Variants in RNF182 observed in about 807,000 individuals in gnomAD.
RNF182 encodes the protein E3 ubiquitin-protein ligase RNF182.
A neutral mutation model predicts 14.4 loss-of-function variants in RNF182; 15 were observed. That is an observed-to-expected ratio of 1.04 (90% CI 0.70 to 1.60). The LOEUF (loss-of-function observed/expected upper bound fraction) is 1.60. Among genes scored for constraint, RNF182 ranks in the 40% most tolerant of loss-of-function variants. The probability of loss-of-function intolerance (pLI) is 0.00; values close to 1 mark genes in which losing one functional copy is unlikely to be tolerated. For synonymous variants in RNF182, 128 were observed against 122.9 expected, an observed-to-expected ratio of 1.04 and a Z score of -0.27; for missense variants, 268 against 294.8, an observed-to-expected ratio of 0.91 and a Z score of 0.67.
intron 1 of RNF182, among the ~76,000 whole-genome samples, chr6:13,965,160 G>A (rs189923779): frequency 6.6e-6 from 1 of 152,314 alleles, no homozygotes; most frequent in Non-Finnish European, 1.5e-5. Context: ...AGCACAAGAA[G>A]ACTTTCTAGA....
At chr6:13,946,013 G>A (rs1251139763) in intron 1 of RNF182, among the ~76,000 whole-genome samples, 2 of 152,060 alleles carry the variant, frequency 1.3e-5, no homozygotes, top group African/African-American at 4.8e-5. Context: ...TAGGTATAAT[G>A]CTTATTTATA....
chr6:13,977,437 T>A lies in RNF182; in HGVS notation c.318T>A (p.Thr106=). 1.2e-6 allele frequency: 2 copies of A among 1,614,170 alleles called. No individual in the cohort carries two copies. The highest frequency in any genetic ancestry group is 1.7e-6 in the Non-Finnish European group (2 of 1,180,008). The change falls in exon 3 of 3, where the codon ACT becomes ACA. Residue 106 remains threonine (T), a synonymous_variant. Transcript: ENST00000488300. The part of the protein sequence containing the change: ...KGKKCLPENP[T]ELLLTPKRLA... Reference sequence around the variant, plus strand: ...AGAAGTGCCTGCCAGAGAACCCTACTGAGCTGCTGCTCACCCCCAAGAGGC... The same window carrying A: ...AGAAGTGCCTGCCAGAGAACCCTACAGAGCTGCTGCTCACCCCCAAGAGGC...
At chr6:13,966,012 C>T (rs1438116018) in intron 1 of RNF182, among the ~76,000 whole-genome samples, 13 of 152,068 alleles carry the variant, frequency 8.5e-5, no homozygotes, top group African/African-American at 4.8e-5. Context: ...GAAGTACTCT[C>T]CTGAGGACGG....
rs1760462533 is a variant in RNF182 at position 13,980,302 on chromosome 6, A to G, written c.*2439A>G. 6.6e-6 allele frequency: 1 copy of G among 151,650 alleles called. No individual in the cohort carries two copies. The highest frequency in any genetic ancestry group is 1.9e-4 in the East Asian group (1 of 5,182). 9.4% of individuals were successfully genotyped at this position (151,650 alleles called of 1,614,324 possible). A position where few individuals can be genotyped will look rare whatever the true frequency, so the allele number is the denominator to read the frequency against. On this transcript the variant is annotated 3_prime_UTR_variant, in exon 3 of 3. Transcript: ENST00000488300. ...GAGATGAAATAAAAATATCGTCTTT[A>G]TAAATAAATTCTTCGGTTTTAGTTT...
rs1760372589 is a variant in RNF182 at position 13,977,673 on chromosome 6, T to TA, written c.555dup (p.Val186SerfsTer22). 1 of 1,614,030 alleles carries TA rather than the reference T, an allele frequency of 6.2e-7. No individual in the cohort carries two copies. Among genetic ancestry groups the TA allele is most frequent in the African/African-American group, 1.3e-5 (1 of 74,928 alleles). ...CTGTTTCAGACATCCATCCGGGTGT[T>TA]AGTGTGGTTGCTAGGTTTGCTCTAC... On this transcript the variant is annotated frameshift_variant, in exon 3 of 3. Transcript: ENST00000488300. LOFTEE classifies it high-confidence loss of function.
At chr6:13,931,626 A>G (rs61133849) in intron 1 of RNF182, among the ~76,000 whole-genome samples, 27,677 of 151,518 alleles carry the variant, frequency 0.18, 2,706 homozygotes, top group Non-Finnish European at 0.21. Context: ...ATCTAATTAT[A>G]TAGATCACTG....
chr6:13,929,295 G>T (rs1387802056), intron 1 of RNF182, among the ~76,000 whole-genome samples: 1 of 152,186 alleles, frequency 6.6e-6, no homozygotes, highest in African/African-American at 2.4e-5. Flanking sequence ...TTGTGTTTCT[G>T]ATCAGTCTGT....
intron 1 of RNF182, among the ~76,000 whole-genome samples, chr6:13,930,133 TTCC>T (rs549354255): frequency 0.32 from 47,980 of 152,100 alleles, 8,191 homozygotes; most frequent in East Asian, 0.61. Context: ...TTGGAAAATA[TTCC>T]AAAAAATAAT....
At chr6:13,964,741 A>G (rs1453318369) in intron 1 of RNF182, among the ~76,000 whole-genome samples, 1 of 152,078 alleles carries the variant, frequency 6.6e-6, no homozygotes, top group Non-Finnish European at 1.5e-5. Context: ...ACTGTGATGA[A>G]CTTGACCTAC....
intron 1 of RNF182, among the ~76,000 whole-genome samples, chr6:13,931,578 G>T (rs1758970538): frequency 6.6e-6 from 1 of 152,038 alleles, no homozygotes; most frequent in South Asian, 2.1e-4. Flanking sequence ...ATGAGACTTA[G>T]AATCTGAATA....
intron 1 of RNF182, among the ~76,000 whole-genome samples, chr6:13,936,321 G>A (rs1759108010): frequency 6.6e-6 from 1 of 152,214 alleles, no homozygotes; most frequent in Non-Finnish European, 1.5e-5. Context: ...AATGATGGAA[G>A]AGTTAGAAAT....
At chr6:13,976,334 C>T (rs115488530) in intron 2 of RNF182, among the ~76,000 whole-genome samples, 1,650 of 152,210 alleles carry the variant, frequency 0.011, 36 homozygotes, top group African/African-American at 0.038. Flanking sequence ...AATAATCAAA[C>T]AATAAAAGCA....
intron 1 of RNF182, chr6:13,961,558 A>G (rs1488192811): frequency 6.6e-6 from 1 of 152,194 alleles, no homozygotes; most frequent in Non-Finnish European, 1.5e-5. Flanking sequence ...ATACCTAAAT[A>G]TAGGGTGCGG....
intron 1 of RNF182, chr6:13,949,350 G>C: frequency 1.3e-6 from 1 of 767,526 alleles, no homozygotes; most frequent in South Asian, 1.4e-5. Context: ...TTGCTTCCAA[G>C]TGTCCTGAAG....
intron 1 of RNF182, among the ~76,000 whole-genome samples, chr6:13,971,920 T>C (rs1760195054): frequency 6.6e-6 from 1 of 152,210 alleles, no homozygotes; most frequent in Non-Finnish European, 1.5e-5. Context: ...CAGCAAAGCA[T>C]TCAAGATGTG....
chr6:13,960,089 AATAG>A (rs982563511), intron 1 of RNF182, among the ~76,000 whole-genome samples: 6 of 152,168 alleles, frequency 3.9e-5, no homozygotes, highest in Non-Finnish European at 8.8e-5. Flanking sequence ...AACCTGTGAG[AATAG>A]ATAGTTTCAA....
intron 1 of RNF182, among the ~76,000 whole-genome samples, chr6:13,945,357 G>A (rs780413481): frequency 2.0e-5 from 3 of 152,206 alleles, no homozygotes; most frequent in Non-Finnish European, 4.4e-5. Flanking sequence ...CTGCCACTTC[G>A]TTGCCAGGGC....
In RNF182 at chr6:13,937,173, T is replaced by A. The variant is rs370610222; in HGVS notation, c.-367+12150T>A. 3.3e-5 allele frequency among the ~76,000 whole-genome samples: 5 copies of A among 152,356 alleles called. No homozygotes were observed. In the East Asian group the frequency reaches 5.8e-4, roughly 18 times the overall value. On this transcript the variant is annotated intron_variant, in intron 1 of 2. Transcript: ENST00000488300. The stretch of plus-strand genomic sequence containing the variant: ...TTTTATTTTTAAATACATTTGTTAT[T>A]GAAGGTTAACATACATATAGAAAAG...
intron 1 of RNF182, among the ~76,000 whole-genome samples, chr6:13,926,148 T>C (rs1180104691): frequency 2.6e-5 from 4 of 152,206 alleles, no homozygotes; most frequent in Non-Finnish European, 2.9e-5. Flanking sequence ...TAATCTAACA[T>C]ATAAAATTGT....
Sources: gnomAD v4.1 joint callset for allele counts (sites outside exome capture counted in the v4.1 genomes callset) on GRCh38, gnomAD v4.1.1 for gene constraint, MANE v1.5 for transcripts, NCBI Gene and HGNC (gene_info 2026-07-23, HGNC 2026-07-21) for gene names.